TLE1: variants seen among roughly 807,000 people sequenced by gnomAD.
TLE1 encodes the protein TLE family member 1, transcriptional corepressor, also known as transducin-like enhancer protein 1.
Under a neutral mutation model 89.8 loss-of-function variants are expected in TLE1, and 21 were observed. That is an observed-to-expected ratio of 0.23 (90% CI 0.17 to 0.34). The LOEUF (loss-of-function observed/expected upper bound fraction) is 0.34, where lower values mean the gene tolerates loss of function less well. TLE1 is among the 10% of genes least tolerant of loss of function. The pLI is 1.00. For synonymous variants in TLE1, 447 were observed against 407.6 expected, an observed-to-expected ratio of 1.10 and a Z score of -1.16; for missense variants, 795 against 1,031.2, an observed-to-expected ratio of 0.77 and a Z score of 3.14.
intron 8 of TLE1, among the ~76,000 whole-genome samples, chr9:81,625,911 TAAAAAA>T (rs35467275): frequency 9.1e-5 from 8 of 87,834 alleles, no homozygotes; most frequent in Admixed American, 1.2e-4. Context: ...CAGAAACTAC[TAAAAAA>T]AAAAAAAAAA....
chr9:81,654,433 C>T (rs1455314012), intron 4 of TLE1, among the ~76,000 whole-genome samples: 2 of 152,168 alleles, frequency 1.3e-5, no homozygotes, highest in African/African-American at 2.4e-5. Flanking sequence ...CTCTGCCTCC[C>T]GGGTTCACAC....
intron 8 of TLE1, among the ~76,000 whole-genome samples, chr9:81,632,194 T>G (rs1017703965): frequency 2.0e-5 from 3 of 152,190 alleles, no homozygotes; most frequent in African/African-American, 7.2e-5. Context: ...GTGTAGAATA[T>G]TTTATTTCCC....
chr9:81,652,403 A>G (rs898476665), intron 5 of TLE1, 115 bp from the exon 6 acceptor site: 1 of 754,868 alleles, frequency 1.3e-6, no homozygotes, highest in Admixed American at 2.4e-5. Flanking sequence ...AAGGGTTTAA[A>G]TGCAGAATTT....
chr9:81,592,712 A>G lies in TLE1; in HGVS notation c.1581+313T>C, dbSNP rs555776723. Among the ~76,000 whole-genome samples, 19 of 152,334 alleles carry G rather than the reference A, an allele frequency of 1.2e-4. 1 individual carries two copies. Among genetic ancestry groups the G allele is most frequent in the African/African-American group, 4.6e-4 (19 of 41,592 alleles). ...ATGGCAGGGATCAGAGTCCAGGCCC[A>G]GTTGTGCTTTTGTCCATTAAATGGG... On this transcript the variant is annotated intron_variant, in intron 15 of 19. Transcript: ENST00000376499.
At chr9:81,587,318 A>C (rs1828643407) in intron 17 of TLE1, among the ~76,000 whole-genome samples, 3 of 152,208 alleles carry the variant, frequency 2.0e-5, no homozygotes, top group Non-Finnish European at 4.4e-5. Context: ...TTTAGGAATC[A>C]AAAAATCATC....
At position 81,633,989 on chromosome 9, in the gene TLE1, T is replaced by C. The variant is rs41316498; in HGVS notation, c.577+108A>G. On this transcript the variant is annotated intron_variant, in intron 7 of 19. Coordinates refer to ENST00000376499, the MANE Select transcript of TLE1 (RefSeq NM_005077.5). ...CTTTGCGACAGTTCCTCTTATCTCA[T>C]TGTTTGCTCTCTGTATAGGTTGGGG... 0.012 allele frequency: 14,746 copies of C among 1,194,896 alleles called. 115 individuals carry two copies. Among genetic ancestry groups the C allele is most frequent in the Non-Finnish European group, 0.015 (13,458 of 890,326 alleles). The allele number at this position is 1,194,896 out of a possible 1,614,324, so 74.0% of individuals were successfully genotyped here.
At chr9:81,605,364 T>C (rs182588286) in intron 14 of TLE1, among the ~76,000 whole-genome samples, 84 of 152,200 alleles carry the variant, frequency 5.5e-4, no homozygotes, top group African/African-American at 1.9e-3. Flanking sequence ...CAACAAAAAA[T>C]GGACTTGGAT....
intron 17 of TLE1, among the ~76,000 whole-genome samples, chr9:81,585,886 T>C (rs1183221458): frequency 3.3e-5 from 5 of 152,088 alleles, no homozygotes; most frequent in Admixed American, 2.6e-4. Flanking sequence ...AATTAAGAAA[T>C]GATTCCTAAT....
intron 8 of TLE1, among the ~76,000 whole-genome samples, chr9:81,629,122 T>C (rs1826257240): frequency 6.6e-6 from 1 of 152,190 alleles, no homozygotes; most frequent in African/African-American, 2.4e-5. Context: ...ACGCAGCACC[T>C]CAAACAGTAC....
At chr9:81,635,946 C>A (rs1827303773) in intron 6 of TLE1, among the ~76,000 whole-genome samples, 1 of 152,092 alleles carries the variant, frequency 6.6e-6, no homozygotes, top group South Asian at 2.1e-4. Flanking sequence ...ATCACTGCAG[C>A]CCAAGAGTTT....
chr9:81,590,744 G>A, intron 16 of TLE1, 61 bp downstream of exon 16: 1 of 1,577,914 alleles, frequency 6.3e-7, no homozygotes, highest in Non-Finnish European at 8.6e-7. Flanking sequence ...GAGAGAAGCA[G>A]AGGTGATAGG....
intron 6 of TLE1, among the ~76,000 whole-genome samples, chr9:81,643,681 C>T (rs1030621884): frequency 2.0e-5 from 3 of 151,998 alleles, no homozygotes; most frequent in Non-Finnish European, 4.4e-5. Flanking sequence ...ACTACAGGCA[C>T]GCACCACCAC....
At chr9:81,650,843 G>A (rs1005258922) in intron 6 of TLE1, among the ~76,000 whole-genome samples, 4 of 152,126 alleles carry the variant, frequency 2.6e-5, no homozygotes, top group Non-Finnish European at 5.9e-5. Context: ...CCCCATTTCA[G>A]GGAGGAAAAA....
chr9:81,677,869 C>A (rs1230981683), intron 4 of TLE1, among the ~76,000 whole-genome samples: 1 of 152,186 alleles, frequency 6.6e-6, no homozygotes, highest in Non-Finnish European at 1.5e-5. Flanking sequence ...GCTACATATA[C>A]AACTCTATCC....
At chr9:81,670,218 A>G (rs1408087564) in intron 4 of TLE1, among the ~76,000 whole-genome samples, 2 of 152,226 alleles carry the variant, frequency 1.3e-5, no homozygotes, top group Non-Finnish European at 2.9e-5. Flanking sequence ...CTTTACAGCC[A>G]TATTAACCAG....
chr9:81,609,564 A>G (rs1246102661), intron 14 of TLE1, among the ~76,000 whole-genome samples: 8 of 152,208 alleles, frequency 5.3e-5, no homozygotes, highest in African/African-American at 1.9e-4. Context: ...AGAATAGCCA[A>G]TTGAGTTTTT....
intron 6 of TLE1, among the ~76,000 whole-genome samples, chr9:81,647,566 C>A (rs1829008934): frequency 6.6e-6 from 1 of 152,166 alleles, no homozygotes; most frequent in Non-Finnish European, 1.5e-5. Flanking sequence ...GCACAACCAC[C>A]ACCAACCAGG....
At chr9:81,677,804 T>C (rs1460023792) in intron 4 of TLE1, among the ~76,000 whole-genome samples, 2 of 152,164 alleles carry the variant, frequency 1.3e-5, no homozygotes, top group Non-Finnish European at 2.9e-5. Flanking sequence ...CTTCATCTAA[T>C]GGATAATGAA....
intron 4 of TLE1, among the ~76,000 whole-genome samples, chr9:81,655,826 C>A (rs1830086331): frequency 6.9e-6 from 1 of 145,184 alleles, no homozygotes. Context: ...ATACTCCAGC[C>A]AAGGCGACAG....
Sources: gnomAD v4.1 joint callset for allele counts (sites outside exome capture counted in the v4.1 genomes callset) on GRCh38, gnomAD v4.1.1 for gene constraint, MANE v1.5 for transcripts, NCBI Gene and HGNC (gene_info 2026-07-23, HGNC 2026-07-21) for gene names.